The following WWC2 variants were observed in gnomAD, a reference collection of about 807,000 sequenced individuals.
WWC2 encodes WW and C2 domain containing 2.
In WWC2, 101 loss-of-function variants were observed where a neutral mutation model predicts 138.5. The observed-to-expected ratio is 0.73, with a 90% CI of 0.62 to 0.86. The LOEUF (loss-of-function observed/expected upper bound fraction) is 0.86. WWC2 is among the 40% of genes least tolerant of loss of function. The pLI, the probability that WWC2 is intolerant of heterozygous loss-of-function variation, is 0.00. For missense variants in WWC2, 1,420 were observed against 1,419.4 expected, an observed-to-expected ratio of 1.00 and a Z score of -0.01; for synonymous variants, 558 against 538.4, an observed-to-expected ratio of 1.04 and a Z score of -0.50.
chr4:183,251,292 CTTG>C (rs1736975078), intron 8 of WWC2, among the ~76,000 whole-genome samples: 1 of 152,202 alleles, frequency 6.6e-6, no homozygotes, highest in Non-Finnish European at 1.5e-5. Flanking sequence ...CTGTGGTCCC[CTTG>C]TTGTGTGTCC....
At chr4:183,198,749 C>G (rs1441151756) in intron 2 of WWC2, among the ~76,000 whole-genome samples, 2 of 126,368 alleles carry the variant, frequency 1.6e-5, no homozygotes. Flanking sequence ...AGCCTAAGAG[C>G]TCAAGGCCAG....
At chr4:183,117,475 C>T (rs1193002553) in intron 1 of WWC2, among the ~76,000 whole-genome samples, 1 of 152,106 alleles carries the variant, frequency 6.6e-6, no homozygotes, top group East Asian at 1.9e-4. Flanking sequence ...CCCGCCTCAG[C>T]CTCCCAAAGT....
intron 1 of WWC2, among the ~76,000 whole-genome samples, chr4:183,130,209 C>T (rs888364651): frequency 7.2e-5 from 11 of 151,898 alleles, no homozygotes; most frequent in Admixed American, 1.3e-4. Flanking sequence ...CCCGCCACCA[C>T]GCCCTGCTAA....
Position 183,099,379 on chromosome 4 carries a change from C to T in WWC2, c.-113C>T, listed in dbSNP as rs1743080160. On this transcript the variant is annotated 5_prime_UTR_variant, in exon 1 of 23. Coordinates refer to ENST00000403733, the MANE Select transcript of WWC2 (RefSeq NM_024949.6). Reference sequence around the variant, plus strand: ...GCGCCCCGCGCCCTGCGCCCCTCAGCCCCTCGCCGGCGCCCGCGTCGCGGG... The same window carrying T: ...GCGCCCCGCGCCCTGCGCCCCTCAGTCCCTCGCCGGCGCCCGCGTCGCGGG... 10 of 1,101,120 alleles carry T rather than the reference C, an allele frequency of 9.1e-6. No homozygotes were observed. The highest frequency in any genetic ancestry group is 1.1e-5 in the Non-Finnish European group (10 of 890,100). The allele number at this position is 1,101,120 out of a possible 1,614,324, so 68.2% of individuals were successfully genotyped here.
intron 2 of WWC2, among the ~76,000 whole-genome samples, chr4:183,195,102 C>T (rs1444860783): frequency 6.6e-6 from 1 of 152,148 alleles, no homozygotes; most frequent in Non-Finnish European, 1.5e-5. Context: ...CAGTCACTGA[C>T]AACCAAATGT....
At chr4:183,265,825 T>G (rs1355938348) in intron 13 of WWC2, 40 bp from the exon 14 acceptor site, 1 of 1,609,014 alleles carries the variant, frequency 6.2e-7, no homozygotes, top group Non-Finnish European at 8.5e-7. Context: ...GCAAGTGGCC[T>G]GTGGTGATTC....
intron 1 of WWC2, among the ~76,000 whole-genome samples, chr4:183,102,868 CTTTTTTT>C (rs779381709): frequency 5.9e-5 from 7 of 118,800 alleles, no homozygotes; most frequent in African/African-American, 2.2e-4. Context: ...TGGCCTGGTG[CTTTTTTT>C]TTTTTTTTTT....
chr4:183,141,694 A>G (rs2111096622), intron 1 of WWC2, among the ~76,000 whole-genome samples: 1 of 152,294 alleles, frequency 6.6e-6, no homozygotes. Flanking sequence ...TAAGGTACAA[A>G]CACCCTGGGA....
chr4:183,308,716 C>T (rs1359363453), intron 21 of WWC2, among the ~76,000 whole-genome samples: 2 of 152,060 alleles, frequency 1.3e-5, no homozygotes, highest in South Asian at 2.1e-4. Context: ...CTTATAACAC[C>T]TGTTATAATT....
At position 183,240,376 on chromosome 4, in the gene WWC2, A is replaced by C. The variant is rs1736578707; in HGVS notation, c.602+114A>C. On this transcript the variant is annotated intron_variant, in intron 5 of 22. Transcript: ENST00000403733. Reference sequence around the variant, plus strand: ...ATTTCTTAAAGAAACGTAAAGTAAAAAAGTTCAGAGCTCTACACCAAAAGA... The same window carrying C: ...ATTTCTTAAAGAAACGTAAAGTAAACAAGTTCAGAGCTCTACACCAAAAGA... The C allele has an allele frequency of 4.0e-6, 3 of 756,684 alleles. No homozygotes were observed. In the South Asian group the frequency reaches 1.1e-4, roughly 27 times the overall value. 46.9% of individuals were successfully genotyped at this position (756,684 alleles called of 1,614,324 possible). A position where few individuals can be genotyped will look rare whatever the true frequency, so the allele number is the denominator to read the frequency against.
Position 183,131,253 on chromosome 4 carries a change from T to C in WWC2, c.131+31631T>C, listed in dbSNP as rs567919792. 3.5e-3 allele frequency among the ~76,000 whole-genome samples: 527 copies of C among 151,800 alleles called. 5 individuals carry two copies. Among genetic ancestry groups the C allele is most frequent in the African/African-American group, 0.012 (515 of 41,528 alleles). On this transcript the variant is annotated intron_variant, in intron 1 of 22. Coordinates refer to ENST00000403733, the MANE Select transcript of WWC2 (RefSeq NM_024949.6). Reference sequence around the variant, plus strand: ...GATATAAATGTAAAATATAAAATTATAATTTTATAAATTTATAATTTTATA... The same window carrying C: ...GATATAAATGTAAAATATAAAATTACAATTTTATAAATTTATAATTTTATA...
intron 21 of WWC2, among the ~76,000 whole-genome samples, chr4:183,290,249 G>A (rs1442962772): frequency 6.6e-6 from 1 of 152,104 alleles, no homozygotes; most frequent in Non-Finnish European, 1.5e-5. Flanking sequence ...GGGCGCAGTG[G>A]CTCACACCTA....
chr4:183,256,092 A>C (rs941305322), intron 9 of WWC2, among the ~76,000 whole-genome samples: 4 of 152,130 alleles, frequency 2.6e-5, no homozygotes, highest in Non-Finnish European at 2.9e-5. Context: ...GGAAACATGT[A>C]TTTTATATAT....
chr4:183,219,871 A>G (rs1417202967), intron 4 of WWC2, among the ~76,000 whole-genome samples: 1 of 151,972 alleles, frequency 6.6e-6, no homozygotes, highest in Non-Finnish European at 1.5e-5. Context: ...CAGGCTGAAT[A>G]TGATTCATTA....
chr4:183,104,128 TTTTCGTAG>T (rs1369900074), intron 1 of WWC2, among the ~76,000 whole-genome samples: 1 of 151,640 alleles, frequency 6.6e-6, no homozygotes, highest in East Asian at 1.9e-4. Flanking sequence ...CCCAGCTAAT[TTTTCGTAG>T]TTTTTTTTAG....
At chr4:183,235,952 A>T (rs1466718254) in intron 4 of WWC2, among the ~76,000 whole-genome samples, 1 of 152,254 alleles carries the variant, frequency 6.6e-6, no homozygotes, top group East Asian at 1.9e-4. Context: ...AGTAAGATAT[A>T]GTATTGTTTT....
chr4:183,254,151 C>T (rs2111343127), intron 9 of WWC2, among the ~76,000 whole-genome samples, 152 bp downstream of exon 9: 1 of 152,286 alleles, frequency 6.6e-6, no homozygotes, highest in East Asian at 1.9e-4. Flanking sequence ...CAATAAAGTG[C>T]ACCATCCTAA....
intron 1 of WWC2, among the ~76,000 whole-genome samples, chr4:183,126,169 A>G (rs1052611770): frequency 6.6e-6 from 1 of 152,170 alleles, no homozygotes; most frequent in Admixed American, 6.5e-5. Flanking sequence ...TTTATTCTCA[A>G]AGTAACTAGG....
intron 1 of WWC2, among the ~76,000 whole-genome samples, chr4:183,127,306 T>G (rs1732791726): frequency 1.3e-5 from 2 of 152,318 alleles, no homozygotes; most frequent in East Asian, 3.9e-4. Context: ...CTGGGAAATT[T>G]GATTAATAAA....
Sources: gnomAD v4.1 joint callset for allele counts (sites outside exome capture counted in the v4.1 genomes callset) on GRCh38, gnomAD v4.1.1 for gene constraint, MANE v1.5 for transcripts, NCBI Gene and HGNC (gene_info 2026-07-23, HGNC 2026-07-21) for gene names.